Variants in CTNNA3 observed in about 807,000 individuals in gnomAD.
CTNNA3 encodes catenin alpha-3.
A neutral mutation model predicts 95.7 loss-of-function variants in CTNNA3; 76 were observed. That is an observed-to-expected ratio of 0.79 (90% CI 0.66 to 0.96). The LOEUF is 0.96. Ranked by LOEUF, CTNNA3 falls within the 40% of genes least tolerant of loss-of-function variation. The pLI is 0.00. For synonymous variants in CTNNA3, 431 were observed against 374.4 expected (o/e 1.15, Z -1.74); for missense variants, 1,191 against 1,089.8 (o/e 1.09, Z -1.31).
intron 5 of CTNNA3, among the ~76,000 whole-genome samples, chr10:67,487,693 G>A (rs1309244573): frequency 6.6e-6 from 1 of 152,168 alleles, no homozygotes; most frequent in Non-Finnish European, 1.5e-5. Context: ...GCAGTGTGAA[G>A]AGCTGTACAT....
At position 65,988,944 on chromosome 10, in the gene CTNNA3, T is replaced by G; in HGVS notation, c.2160-147A>C. ...CATCCCAAAGAACGGCTATTGTTTT[T>G]GTGATTGTTTGTTTTGAGACTGAGT... On this transcript the variant is annotated intron_variant, in intron 15 of 17. Transcript: ENST00000433211. The G allele has an allele frequency of 5.1e-6, 3 of 593,182 alleles. No homozygotes were observed. In the South Asian group the frequency reaches 6.8e-5, roughly 13 times the overall value. The allele number at this position is 593,182 out of a possible 1,614,324, so 36.7% of individuals were successfully genotyped here. A position where few individuals can be genotyped will look rare whatever the true frequency, so the allele number is the denominator to read the frequency against.
At chr10:66,247,344 G>T (rs2090374647) in intron 13 of CTNNA3, among the ~76,000 whole-genome samples, 1 of 152,106 alleles carries the variant, frequency 6.6e-6, no homozygotes, top group South Asian at 2.1e-4. Flanking sequence ...TGCTGGACCT[G>T]CCTGGGGTTT....
intron 17 of CTNNA3, among the ~76,000 whole-genome samples, chr10:65,957,210 A>T (rs1359047199): frequency 2.9e-4 from 44 of 151,130 alleles, no homozygotes; most frequent in African/African-American, 1.1e-3. Context: ...TAGGATTGCA[A>T]CCCCTGCCTT....
intron 9 of CTNNA3, among the ~76,000 whole-genome samples, chr10:66,665,448 C>A (rs1052300929): frequency 6.6e-6 from 1 of 152,172 alleles, no homozygotes; most frequent in African/African-American, 2.4e-5. Context: ...ATGATTCCTG[C>A]AAATGCAAAA....
At chr10:67,407,179 G>C (rs1845168719) in intron 5 of CTNNA3, among the ~76,000 whole-genome samples, 1 of 152,004 alleles carries the variant, frequency 6.6e-6, no homozygotes, top group Non-Finnish European at 1.5e-5. Context: ...ACAAAATACT[G>C]GCAAACTGAA....
intron 1 of CTNNA3, among the ~76,000 whole-genome samples, chr10:67,684,228 G>A (rs375012972): frequency 6.8e-4 from 104 of 152,284 alleles, no homozygotes; most frequent in African/African-American, 2.4e-3. Context: ...TAGACACAGA[G>A]CACTGACTGG....
chr10:66,161,484 T>C (rs923023104), intron 13 of CTNNA3, among the ~76,000 whole-genome samples: 1 of 152,218 alleles, frequency 6.6e-6, no homozygotes, highest in Non-Finnish European at 1.5e-5. Flanking sequence ...TACAAAATTC[T>C]TGGCTGATAA....
intron 5 of CTNNA3, among the ~76,000 whole-genome samples, chr10:67,358,983 C>T (rs146282092): frequency 8.7e-4 from 133 of 152,148 alleles, no homozygotes; most frequent in African/African-American, 3.1e-3. Context: ...TGAGCAAGAT[C>T]CTATCTGCTA....
chr10:67,147,834 T>C (rs1228825568), intron 7 of CTNNA3, among the ~76,000 whole-genome samples: 2 of 152,228 alleles, frequency 1.3e-5, no homozygotes, highest in African/African-American at 4.8e-5. Flanking sequence ...AGTTTGCTAA[T>C]ATTGAAGCTG....
At chr10:67,217,260 G>T (rs117027032) in intron 6 of CTNNA3, among the ~76,000 whole-genome samples, 423 of 152,200 alleles carry the variant, frequency 2.8e-3, no homozygotes, top group South Asian at 5.6e-3. Context: ...ATAATGAAAA[G>T]TGCAACCATT....
At chr10:67,146,121 A>T (rs1860831310) in intron 7 of CTNNA3, among the ~76,000 whole-genome samples, 1 of 152,158 alleles carries the variant, frequency 6.6e-6, no homozygotes, top group African/African-American at 2.4e-5. Context: ...CACTCATCAG[A>T]TACTTTCTTG....
intron 7 of CTNNA3, among the ~76,000 whole-genome samples, chr10:67,140,673 A>T (rs1860515709): frequency 1.3e-5 from 2 of 152,174 alleles, no homozygotes; most frequent in Admixed American, 1.3e-4. Flanking sequence ...AATAACAAAG[A>T]CTGTGATATT....
intron 5 of CTNNA3, among the ~76,000 whole-genome samples, chr10:67,416,177 CA>C (rs777887407): frequency 6.6e-6 from 1 of 151,270 alleles, no homozygotes; most frequent in African/African-American, 2.4e-5. Context: ...TTCTGCATGG[CA>C]AAAAAAACTA....
At chr10:66,546,853 A>C (rs1197589603) in intron 10 of CTNNA3, among the ~76,000 whole-genome samples, 1 of 152,120 alleles carries the variant, frequency 6.6e-6, no homozygotes, top group Non-Finnish European at 1.5e-5. Context: ...TCATGGTCTT[A>C]ATTACTTTAT....
intron 2 of CTNNA3, among the ~76,000 whole-genome samples, chr10:67,610,963 T>C (rs1057480695): frequency 1.3e-5 from 2 of 152,168 alleles, no homozygotes; most frequent in African/African-American, 4.8e-5. Flanking sequence ...TCTGTAAATC[T>C]GTGCTAGGCT....
rs548201802 is a variant in CTNNA3 at position 66,029,315 on chromosome 10, C to T, written c.2159+39993G>A. Among the ~76,000 whole-genome samples the T allele has an allele frequency of 9.2e-5, 14 of 152,168 alleles. 1 individual carries two copies. The highest frequency in any genetic ancestry group is 7.2e-4 in the Admixed American group (11 of 15,248). The stretch of plus-strand genomic sequence containing the variant: ...CTGAAATAGAGGAAAAGTGAGAGTC[C>T]TCACTGGATCTGTCCCCACCCCAAT... On this transcript the variant is annotated intron_variant, in intron 15 of 17. Coordinates refer to ENST00000433211, the MANE Select transcript of CTNNA3 (RefSeq NM_013266.4).
At chr10:67,748,350 G>C (rs992974929) in intron 1 of CTNNA3, among the ~76,000 whole-genome samples, 5 of 152,136 alleles carry the variant, frequency 3.3e-5, no homozygotes, top group African/African-American at 7.2e-5. Context: ...AGGGCAGCCA[G>C]AGAAAAAGGC....
chr10:65,984,987 T>TA (rs909774431), intron 16 of CTNNA3, among the ~76,000 whole-genome samples: 14 of 150,524 alleles, frequency 9.3e-5, no homozygotes, highest in Non-Finnish European at 2.1e-4. Context: ...TACTAAATAC[T>TA]AAAAAAAAGG....
rs61603392 is a variant in CTNNA3 at position 67,143,425 on chromosome 10, TAAA to T, written c.1047+36889_1047+36891del. ...TGGGTGACTGAGCAAGGCTCTGTCTTAAAAAAAAAAAAAAAAAAAAAATTATCT... is the reference window on the plus strand; with the variant it reads ...TGGGTGACTGAGCAAGGCTCTGTCTTAAAAAAAAAAAAAAAAAAATTATCT... On this transcript the variant is annotated intron_variant, in intron 7 of 17. Transcript: ENST00000433211. Among the ~76,000 whole-genome samples the T allele has an allele frequency of 7.2e-4, 55 of 75,988 alleles. 2 individuals carry two copies. Among genetic ancestry groups the T allele is most frequent in the African/African-American group, 5.4e-4 (11 of 20,508 alleles). 49.9% of individuals were successfully genotyped at this position (75,988 alleles called of 152,430 possible).
Sources: allele counts gnomAD v4.1 joint callset (sites outside exome capture counted in the v4.1 genomes callset), GRCh38; gene constraint gnomAD v4.1.1; transcripts MANE v1.5; gene names NCBI Gene and HGNC (gene_info 2026-07-23, HGNC 2026-07-21).